The following USH2A variants were observed in gnomAD, a reference collection of about 807,000 sequenced individuals.
USH2A encodes the protein usherin, also known as Usher syndrome 2A (autosomal recessive, mild).
A neutral mutation model predicts 538.9 loss-of-function variants in USH2A; 443 were observed. The ratio of observed to expected loss-of-function variants is 0.82; its 90% CI spans 0.76 to 0.89. The LOEUF is 0.89. USH2A is among the 40% of genes least tolerant of loss of function. USH2A has a pLI of 0.00. For synonymous variants in USH2A, 2,413 were observed against 2,273.5 expected (o/e 1.06, Z -1.75); for missense variants, 6,633 against 6,324.8 (o/e 1.05, Z -1.65).
intron 20 of USH2A, among the ~76,000 whole-genome samples, chr1:216,182,551 C>T (rs2034514875): frequency 6.6e-6 from 1 of 151,972 alleles, no homozygotes; most frequent in Admixed American, 6.6e-5. Context: ...GAGTAAAAAG[C>T]AGTTAATTTT....
intron 56 of USH2A, among the ~76,000 whole-genome samples, chr1:215,766,385 A>G (rs1661128507): frequency 6.6e-6 from 1 of 152,144 alleles, no homozygotes; most frequent in Admixed American, 6.5e-5. Flanking sequence ...CATGGTGCTT[A>G]TTATATATTA....
rs760725818 is a variant in USH2A, at chr1:215,786,713, T to C, written c.10344A>G (p.Glu3448=). 7.4e-6 allele frequency: 12 copies of C among 1,614,042 alleles called. No individual in the cohort carries two copies. The South Asian group carries it at 1.1e-4, about 15-fold the overall frequency. ...ASIEEMCSSA[E]ETIHTGSVNT... is the part of the protein sequence containing the mutation. ...TTACACTCCCTGTATGAATGGTTTC[T>C]TCGGCAGATGAACACATTTCTTCAA... The change falls in exon 52 of 72, where the codon GAA becomes GAG. Residue 3448 remains glutamate, a synonymous_variant. Transcript: ENST00000307340.
intron 13 of USH2A, among the ~76,000 whole-genome samples, chr1:216,238,033 A>G (rs575272805): frequency 6.6e-6 from 1 of 152,190 alleles, no homozygotes; most frequent in African/African-American, 2.4e-5. Flanking sequence ...GAACATCAGC[A>G]TCTGATTCCA....
Position 215,640,618 on chromosome 1 carries a change from C to T in USH2A, c.14908G>A (p.Gly4970Arg). The change falls in exon 68 of 72, where the codon GGG becomes AGG. Residue 4970 changes from glycine (G) to arginine (R), a missense_variant. Transcript: ENST00000307340. ...TCCAAGCCGCTGTACACGCGTCGCC[C>T]TCCGTCGGTTAACACGTACTCCTTC... The part of the protein sequence containing the change: ...QLKEYVLTDG[G>R]RRVYSGLDTT... The T allele has an allele frequency of 6.2e-7, 1 of 1,613,808 alleles. No individual in the cohort carries two copies. Among genetic ancestry groups the T allele is most frequent in the Non-Finnish European group, 8.5e-7 (1 of 1,179,966 alleles).
intron 20 of USH2A, among the ~76,000 whole-genome samples, chr1:216,181,886 T>C (rs1260434271): frequency 6.6e-6 from 1 of 152,156 alleles, no homozygotes; most frequent in Non-Finnish European, 1.5e-5. Flanking sequence ...ACTGTGTACA[T>C]GCATTAAATG....
intron 4 of USH2A, among the ~76,000 whole-genome samples, chr1:216,338,617 G>T (rs2038019495): frequency 6.6e-6 from 1 of 151,408 alleles, no homozygotes; most frequent in South Asian, 2.1e-4. Context: ...AATTTTAAAA[G>T]TCAAACCACT....
At chr1:216,144,969 C>A (rs2033666857) in intron 21 of USH2A, among the ~76,000 whole-genome samples, 1 of 152,094 alleles carries the variant, frequency 6.6e-6, no homozygotes, top group Admixed American at 6.5e-5. Context: ...CCAGAGATAA[C>A]AGTGTGTTCT....
At chr1:216,175,158 G>C in intron 21 of USH2A, 94 bp downstream of exon 21, 1 of 1,568,078 alleles carries the variant, frequency 6.4e-7, no homozygotes, top group Non-Finnish European at 8.7e-7. Context: ...CTCTAAGTAG[G>C]TATAATAAAA....
intron 3 of USH2A, among the ~76,000 whole-genome samples, chr1:216,401,276 A>T (rs1416219444): frequency 6.6e-6 from 1 of 152,110 alleles, no homozygotes; most frequent in African/African-American, 2.4e-5. Flanking sequence ...CACTAAAAAC[A>T]CTATACAAAA....
At chr1:216,313,413 G>A (rs2037455922) in intron 9 of USH2A, among the ~76,000 whole-genome samples, 1 of 152,128 alleles carries the variant, frequency 6.6e-6, no homozygotes, top group African/African-American at 2.4e-5. Context: ...CTCAGTAACT[G>A]CTCTTCTTAC....
intron 21 of USH2A, among the ~76,000 whole-genome samples, chr1:216,140,281 G>T (rs1183052634): frequency 6.6e-6 from 1 of 152,146 alleles, no homozygotes; most frequent in East Asian, 1.9e-4. Flanking sequence ...CTTTCCAGGG[G>T]CATGCACAGT....
At chr1:216,397,517 T>A (rs1419302403) in intron 3 of USH2A, among the ~76,000 whole-genome samples, 1 of 152,134 alleles carries the variant, frequency 6.6e-6, no homozygotes, top group Admixed American at 6.5e-5. Context: ...TGCAGGTGTG[T>A]CTACAGTAAA....
chr1:216,110,722 A>G (rs756394321), intron 21 of USH2A, among the ~76,000 whole-genome samples: 1 of 152,222 alleles, frequency 6.6e-6, no homozygotes, highest in Non-Finnish European at 1.5e-5. Context: ...GAGCAAAATG[A>G]TATACAGAAA....
At chr1:216,284,732 G>C (rs140429408) in intron 11 of USH2A, among the ~76,000 whole-genome samples, 1 of 152,184 alleles carries the variant, frequency 6.6e-6, no homozygotes, top group Non-Finnish European at 1.5e-5. Context: ...GGGCTCAGAA[G>C]ACAGAAAGAT....
intron 61 of USH2A, among the ~76,000 whole-genome samples, chr1:215,704,368 A>C (rs1432604759): frequency 6.6e-6 from 1 of 152,222 alleles, no homozygotes; most frequent in Non-Finnish European, 1.5e-5. Context: ...AGAGGAAATC[A>C]TGGCATCCTT....
intron 61 of USH2A, among the ~76,000 whole-genome samples, chr1:215,726,966 C>T (rs1233041935): frequency 1.3e-5 from 2 of 152,096 alleles, no homozygotes; most frequent in East Asian, 1.9e-4. Context: ...TATTATAAAA[C>T]GGAACACTCC....
intron 21 of USH2A, among the ~76,000 whole-genome samples, chr1:216,103,779 C>G (rs2032653774): frequency 6.6e-6 from 1 of 152,088 alleles, no homozygotes; most frequent in South Asian, 2.1e-4. Flanking sequence ...TTCTGATATG[C>G]AAATAACCAT....
Position 216,281,865 on chromosome 1 carries a change from G to GTTTTT in USH2A, c.1971+7410_1971+7414dup, listed in dbSNP as rs766030449. ...TCCTCACCAAATTTTGTTTTTGTCTGTTTTTTTTTTTTTTTTTTTTTTGAG... is the reference window on the plus strand; with the variant it reads ...TCCTCACCAAATTTTGTTTTTGTCTGTTTTTTTTTTTTTTTTTTTTTTTTTTTGAG... On this transcript the variant is annotated intron_variant, in intron 11 of 71. Coordinates refer to ENST00000307340, the MANE Select transcript of USH2A (RefSeq NM_206933.4). 4.7e-3 allele frequency among the ~76,000 whole-genome samples: 449 copies of GTTTTT among 96,370 alleles called. 4 individuals are homozygous for GTTTTT. The highest frequency in any genetic ancestry group is 0.011 in the Middle Eastern group (1 of 92). 63.2% of individuals were successfully genotyped at this position (96,370 alleles called of 152,430 possible).
At chr1:216,241,615 A>T (rs1222239114) in intron 13 of USH2A, among the ~76,000 whole-genome samples, 1 of 151,878 alleles carries the variant, frequency 6.6e-6, no homozygotes, top group African/African-American at 2.4e-5. Context: ...GCTCACTGCA[A>T]TCTGTGCCTC....
Sources: gnomAD v4.1 joint callset for allele counts (sites outside exome capture counted in the v4.1 genomes callset) on GRCh38, gnomAD v4.1.1 for gene constraint, MANE v1.5 for transcripts, NCBI Gene and HGNC (gene_info 2026-07-23, HGNC 2026-07-21) for gene names.